The following DPF3 variants were observed in gnomAD, a reference collection of about 807,000 sequenced individuals.
DPF3 encodes zinc finger protein DPF3.
A neutral mutation model predicts 56.8 loss-of-function variants in DPF3; 18 were observed. The ratio of observed to expected loss-of-function variants is 0.32; its 90% confidence interval spans 0.22 to 0.47. DPF3 has a LOEUF of 0.47. Among genes scored for constraint, DPF3 ranks in the 20% least tolerant of loss-of-function variants. The probability of loss-of-function intolerance (pLI) is 1.00; values close to 1 mark genes in which losing one functional copy is unlikely to be tolerated. For synonymous variants in DPF3, 188 were observed against 180.2 expected (o/e 1.04, Z -0.35); for missense variants, 403 against 488.8 (o/e 0.82, Z 1.65).
At chr14:72,886,303 C>T (rs1159448205) in intron 1 of DPF3, among the ~76,000 whole-genome samples, 4 of 152,058 alleles carry the variant, frequency 2.6e-5, no homozygotes, top group East Asian at 1.9e-4. Flanking sequence ...ACCTGGGAGG[C>T]GGAGGTTGCA....
At chr14:72,725,196 C>T (rs1889350636) in intron 4 of DPF3, among the ~76,000 whole-genome samples, 1 of 152,136 alleles carries the variant, frequency 6.6e-6, no homozygotes, top group South Asian at 2.1e-4. Context: ...CAGTCCCAGC[C>T]CCAAATGGAC....
At chr14:72,693,713 C>A (rs973488469) in intron 6 of DPF3, among the ~76,000 whole-genome samples, 2 of 152,216 alleles carry the variant, frequency 1.3e-5, no homozygotes, top group African/African-American at 4.8e-5. Flanking sequence ...CCCAGCAACA[C>A]CAAGTGACTT....
chr14:72,617,335 C>A lies in DPF3; in HGVS notation c.*1962G>T, dbSNP rs899294267. Among the ~76,000 whole-genome samples, 1 of 152,034 alleles carries A rather than the reference C, an allele frequency of 6.6e-6. No homozygotes were observed. The highest frequency in any genetic ancestry group is 2.4e-5 in the African/African-American group (1 of 41,372). On this transcript the variant is annotated 3_prime_UTR_variant, in exon 11 of 11. Coordinates refer to ENST00000556509, the MANE Select transcript of DPF3 (RefSeq NM_001280542.3). ...ATGACGCTCAAAACCAATTATTAGC[C>A]TTTGGAGACAGCCTGCTTTGGGTTT... is the stretch of plus-strand genomic sequence containing the variant.
intron 8 of DPF3, among the ~76,000 whole-genome samples, chr14:72,642,073 T>C (rs1266306827): frequency 1.3e-5 from 2 of 152,186 alleles, no homozygotes; most frequent in African/African-American, 4.8e-5. Flanking sequence ...TGAGGCCTAA[T>C]GGCAACATGA....
At chr14:72,865,523 A>T (rs75295561) in intron 1 of DPF3, among the ~76,000 whole-genome samples, 1 of 152,210 alleles carries the variant, frequency 6.6e-6, no homozygotes, top group Non-Finnish European at 1.5e-5. Flanking sequence ...GGGTGAAATC[A>T]TCGGCTGAGA....
rs1289991773 is a variant in DPF3, at chr14:72,719,159, ACT to A, written c.525+4472_525+4473del. Among the ~76,000 whole-genome samples the A allele has an allele frequency of 2.1e-5, 3 of 140,424 alleles. No homozygotes were observed. The East Asian group carries it at 6.5e-4, about 30-fold the overall frequency. The allele number at this position is 140,424 out of a possible 152,430, so 92.1% of individuals were successfully genotyped here. On this transcript the variant is annotated intron_variant, in intron 5 of 10. Transcript: ENST00000556509. ...ATCACAGCTCAATGAAGCCTTAACC[ACT>A]CAGGCTCCAGTGATCCTCCCACCTC...
At chr14:72,746,899 C>A (rs909811393) in intron 3 of DPF3, among the ~76,000 whole-genome samples, 1 of 152,258 alleles carries the variant, frequency 6.6e-6, no homozygotes, top group Non-Finnish European at 1.5e-5. Flanking sequence ...CCCTTCCCCT[C>A]ACATGTTACG....
intron 8 of DPF3, among the ~76,000 whole-genome samples, chr14:72,641,395 G>A (rs1885560840): frequency 6.6e-6 from 1 of 152,214 alleles, no homozygotes; most frequent in Non-Finnish European, 1.5e-5. Context: ...AGATTCTGGG[G>A]CCAAAGCTAG....
At chr14:72,890,966 A>G (rs1886728428) in intron 1 of DPF3, among the ~76,000 whole-genome samples, 1 of 152,126 alleles carries the variant, frequency 6.6e-6, no homozygotes, top group Admixed American at 6.5e-5. Context: ...AAGGAAGAAA[A>G]AGAAAGGGAG....
chr14:72,816,542 G>T (rs1479459030), intron 1 of DPF3, among the ~76,000 whole-genome samples: 2 of 151,636 alleles, frequency 1.3e-5, no homozygotes, highest in Admixed American at 1.3e-4. Flanking sequence ...ACAAAACTCA[G>T]GCAAACCCCC....
At chr14:72,746,273 T>C (rs772719784) in intron 3 of DPF3, among the ~76,000 whole-genome samples, 1 of 152,252 alleles carries the variant, frequency 6.6e-6, no homozygotes, top group African/African-American at 2.4e-5. Flanking sequence ...TCTCATTCTC[T>C]AGATGGGCCC....
chr14:72,801,169 T>A (rs2140001305), intron 1 of DPF3, among the ~76,000 whole-genome samples: 1 of 152,310 alleles, frequency 6.6e-6, no homozygotes, highest in East Asian at 1.9e-4. Context: ...TCTACTTGGA[T>A]CTGGGCAGGC....
intron 3 of DPF3, among the ~76,000 whole-genome samples, chr14:72,732,298 A>T (rs968468727): frequency 6.6e-6 from 1 of 152,214 alleles, no homozygotes; most frequent in African/African-American, 2.4e-5. Flanking sequence ...ACAATACCCA[A>T]CCCCACAGGT....
chr14:72,619,766 G>A, intron 10 of DPF3, 137 bp downstream of exon 10: 1 of 828,878 alleles, frequency 1.2e-6, no homozygotes, highest in East Asian at 2.8e-5. Flanking sequence ...TACCTTGTGG[G>A]GTTGTGATGA....
At chr14:72,754,778 C>A (rs1003953345) in intron 2 of DPF3, among the ~76,000 whole-genome samples, 12 of 152,238 alleles carry the variant, frequency 7.9e-5, no homozygotes, top group South Asian at 6.2e-4. Context: ...TCAACTCTAC[C>A]CATTTATTGG....
At chr14:72,740,884 C>T (rs144938488) in intron 3 of DPF3, among the ~76,000 whole-genome samples, 1 of 152,236 alleles carries the variant, frequency 6.6e-6, no homozygotes, top group East Asian at 1.9e-4. Flanking sequence ...TCTAGGTCAT[C>T]TATAGACTGG....
At chr14:72,712,002 A>G (rs1018822389) in intron 6 of DPF3, among the ~76,000 whole-genome samples, 5 of 151,958 alleles carry the variant, frequency 3.3e-5, no homozygotes, top group Non-Finnish European at 4.4e-5. Context: ...GCACCAGATA[A>G]AAATAAAGTC....
At chr14:72,803,144 G>A (rs929522959) in intron 1 of DPF3, among the ~76,000 whole-genome samples, 1 of 152,220 alleles carries the variant, frequency 6.6e-6, no homozygotes, top group Non-Finnish European at 1.5e-5. Context: ...TCCAAGGATA[G>A]AAAAGTCCTC....
At chr14:72,861,131 ACTAT>A (rs1022047859) in intron 1 of DPF3, among the ~76,000 whole-genome samples, 2 of 151,640 alleles carry the variant, frequency 1.3e-5, no homozygotes, top group African/African-American at 2.4e-5. Context: ...CTGCCTGCTT[ACTAT>A]CTATCATCTA....
Sources: allele counts gnomAD v4.1 joint callset (sites outside exome capture counted in the v4.1 genomes callset), GRCh38; gene constraint gnomAD v4.1.1; transcripts MANE v1.5; gene names NCBI Gene and HGNC (gene_info 2026-07-23, HGNC 2026-07-21).